The following FAM229B variants were observed in gnomAD, a reference collection of about 807,000 sequenced individuals.
FAM229B encodes the protein family with sequence similarity 229 member B, also known as protein FAM229B.
A neutral mutation model predicts 6.7 loss-of-function variants in FAM229B; 2 were observed. The observed-to-expected ratio is 0.30, with a 90% CI of 0.12 to 0.94. The LOEUF is 0.94. Ranked by LOEUF, FAM229B falls within the 40% of genes least tolerant of loss-of-function variation. The pLI, the probability that FAM229B is intolerant of heterozygous loss-of-function variation, is 0.54. For synonymous variants in FAM229B, 29 were observed against 34.0 expected (o/e 0.85, Z 0.51); for missense variants, 93 against 96.2 (o/e 0.97, Z 0.14).
chr6:112,097,989 T>C (rs1777349180), intron 2 of FAM229B, among the ~76,000 whole-genome samples: 2 of 152,224 alleles, frequency 1.3e-5, no homozygotes, highest in African/African-American at 4.8e-5. Flanking sequence ...CATTTTGGGC[T>C]GTCACAATTT....
chr6:112,100,202 G>A (rs1414092361), intron 3 of FAM229B, among the ~76,000 whole-genome samples: 1 of 152,114 alleles, frequency 6.6e-6, no homozygotes, highest in Non-Finnish European at 1.5e-5. Context: ...TCATTTAAGG[G>A]CCATTTCAAA....
At chr6:112,096,146 G>A (rs376867277) in intron 1 of FAM229B, among the ~76,000 whole-genome samples, 5 of 152,190 alleles carry the variant, frequency 3.3e-5, no homozygotes, top group Non-Finnish European at 5.9e-5. Context: ...AAGTTCATGA[G>A]GTGGGCTATT....
intron 2 of FAM229B, among the ~76,000 whole-genome samples, chr6:112,097,686 T>G (rs191716392): frequency 0.018 from 2,710 of 152,010 alleles, 30 homozygotes; most frequent in Middle Eastern, 0.028. Flanking sequence ...TTGAAAACAT[T>G]GTGTACTAAT....
In FAM229B at chr6:112,099,349, G is replaced by T. The variant is rs1554318996; in HGVS notation, c.66G>T (p.Glu22Asp). ...TGGAAGGAGGAGATTCTTCAATTGA[G>T]CTGGAACCTGGGCTGAGCTCCAGTG... ...FPVEGGDSSI[E>D]LEPGLSSSAA... Residue 22 changes from glutamate to aspartate, a missense_variant, in exon 3 of 4, where the codon GAG (glutamate) becomes GAT (aspartate). Transcript: ENST00000368656. 2.5e-6 allele frequency: 4 copies of T among 1,614,062 alleles called. No homozygotes were observed. In the South Asian group the frequency reaches 4.4e-5, roughly 18 times the overall value.
intron 1 of FAM229B, among the ~76,000 whole-genome samples, chr6:112,093,998 T>A (rs1357518608): frequency 1.3e-5 from 2 of 151,796 alleles, no homozygotes. Context: ...AGCAAAAAAA[T>A]TTTAACTGAA....
intron 1 of FAM229B, among the ~76,000 whole-genome samples, chr6:112,094,838 A>G (rs1777301463): frequency 6.6e-6 from 1 of 152,188 alleles, no homozygotes; most frequent in African/African-American, 2.4e-5. Flanking sequence ...TGTGATACTT[A>G]AGGGGGTATT....
chr6:112,094,308 T>A (rs1360795369), intron 1 of FAM229B, among the ~76,000 whole-genome samples: 1 of 152,232 alleles, frequency 6.6e-6, no homozygotes, highest in Non-Finnish European at 1.5e-5. Flanking sequence ...GCTTCCTTGT[T>A]CATAAGATAA....
chr6:112,095,886 G>T lies in FAM229B; in HGVS notation c.-175-1155G>T, dbSNP rs75123078. The stretch of plus-strand genomic sequence containing the variant: ...AGTTATTTTTCCAAGCTGAAATGGT[G>T]ATCAACTTATTCACAGATAGTACCC... On this transcript the variant is annotated intron_variant, in intron 1 of 3. Coordinates refer to ENST00000368656, the MANE Select transcript of FAM229B (RefSeq NM_001033564.3). Among the ~76,000 whole-genome samples the T allele has an allele frequency of 1.7e-3, 260 of 152,202 alleles. 4 individuals carry two copies. Among genetic ancestry groups the T allele is most frequent in the African/African-American group, 6.1e-3 (254 of 41,518 alleles).
At position 112,100,711 on chromosome 6, in the gene FAM229B, C is replaced by A. The variant is rs1777386325; in HGVS notation, c.167C>A (p.Thr56Asn). 6.2e-7 allele frequency: 1 copy of A among 1,614,054 alleles called. No individual in the cohort carries two copies. Residue 56 changes from threonine to asparagine, a missense_variant, in exon 4 of 4, where the codon ACT (threonine) becomes AAT (asparagine). Physicochemically the swap from Thr to Asn is moderately conservative, Grantham distance 65 (BLOSUM62 0). Transcript: ENST00000368656. The stretch of plus-strand genomic sequence containing the variant: ...CCTGGAAGTCATTGCCTGACAATAA[C>A]TGATGTTCCCGTCACTGTTTATGCA... ...RCPGSHCLTITDVPVTVYATT... is the reference protein window; with the variant it reads ...RCPGSHCLTINDVPVTVYATT...
At chr6:112,100,401 C>T (rs1554319120) in intron 3 of FAM229B, among the ~76,000 whole-genome samples, 1 of 152,146 alleles carries the variant, frequency 6.6e-6, no homozygotes, top group Non-Finnish European at 1.5e-5. Flanking sequence ...GCAATCATTG[C>T]ATACCTTTCA....
chr6:112,099,815 C>T (rs1467707377), intron 3 of FAM229B, among the ~76,000 whole-genome samples: 1 of 152,220 alleles, frequency 6.6e-6, no homozygotes, highest in Non-Finnish European at 1.5e-5. Flanking sequence ...ACTTAGACCT[C>T]AGAGTTAATG....
chr6:112,096,447 T>C (rs1015436854), intron 1 of FAM229B, among the ~76,000 whole-genome samples: 4 of 148,916 alleles, frequency 2.7e-5, no homozygotes, highest in Non-Finnish European at 3.0e-5. Context: ...TCCCAGCTAC[T>C]TGGGAGGCTG....
In FAM229B at chr6:112,100,785, TA is replaced by T. The variant is rs1554319196; in HGVS notation, c.242del (p.Ter81CysfsTer10). 1.2e-6 allele frequency: 2 copies of T among 1,608,454 alleles called. No homozygotes were observed. Among genetic ancestry groups the T allele is most frequent in the African/African-American group, 2.7e-5 (2 of 74,906 alleles). On this transcript the variant is annotated frameshift_variant and stop_lost, in exon 4 of 4. Transcript: ENST00000368656. LOFTEE classifies it high-confidence loss of function. ...AAGCAGCAAGGAAATGCATCCTAAATAGCACCATTAAGTCTTTTGTCAAGGT... is the reference window on the plus strand; with the variant it reads ...AAGCAGCAAGGAAATGCATCCTAAATGCACCATTAAGTCTTTTGTCAAGGT... ...AQSSKEMHPK[*>X]
At chr6:112,087,836 T>G (rs587748701) in intron 1 of FAM229B, 116 bp downstream of exon 1, 1 of 215,118 alleles carries the variant, frequency 4.6e-6, no homozygotes, top group Non-Finnish European at 9.2e-6. Flanking sequence ...TCAGTCCGTT[T>G]ATTCAGATTC....
At chr6:112,097,892 A>G (rs1554318830) in intron 2 of FAM229B, among the ~76,000 whole-genome samples, 3 of 152,218 alleles carry the variant, frequency 2.0e-5, no homozygotes, top group East Asian at 1.9e-4. Context: ...GATATTAAAC[A>G]TTTACAAAAA....
intron 1 of FAM229B, among the ~76,000 whole-genome samples, chr6:112,096,054 G>A (rs1197671702): frequency 6.6e-6 from 1 of 152,116 alleles, no homozygotes; most frequent in East Asian, 1.9e-4. Flanking sequence ...TTTAGTCATC[G>A]GATATGAAAA....
At chr6:112,096,587 T>C (rs1777328961) in intron 1 of FAM229B, among the ~76,000 whole-genome samples, 1 of 152,094 alleles carries the variant, frequency 6.6e-6, no homozygotes, top group Non-Finnish European at 1.5e-5. Context: ...GTATTCTTCC[T>C]TTCACAATTG....
intron 1 of FAM229B, among the ~76,000 whole-genome samples, chr6:112,092,164 A>C (rs1050156223): frequency 6.6e-6 from 1 of 152,118 alleles, no homozygotes; most frequent in Admixed American, 6.5e-5. Flanking sequence ...TGCCTAAAAA[A>C]ATTTCAAATG....
At chr6:112,098,992 T>C (rs973232147) in intron 2 of FAM229B, among the ~76,000 whole-genome samples, 9 of 152,162 alleles carry the variant, frequency 5.9e-5, no homozygotes, top group Non-Finnish European at 1.2e-4. Context: ...TATAACAAAA[T>C]AGTAATATTA....
Sources: allele counts gnomAD v4.1 joint callset (sites outside exome capture counted in the v4.1 genomes callset), GRCh38; gene constraint gnomAD v4.1.1; transcripts MANE v1.5; gene names NCBI Gene and HGNC (gene_info 2026-07-23, HGNC 2026-07-21).